Variants in VWF observed in about 807,000 individuals in gnomAD.
The protein encoded by VWF is von Willebrand factor, also known as Factor VIII related antigen.
In VWF, 176 loss-of-function variants were observed where a neutral mutation model predicts 308.6. That is an observed-to-expected ratio of 0.57 (90% CI 0.50 to 0.65). The LOEUF is 0.65. Ranked by LOEUF, VWF falls within the 30% of genes least tolerant of loss-of-function variation. VWF has a pLI of 0.00. For synonymous variants in VWF, 1,385 were observed against 1,443.4 expected (o/e 0.96, Z 0.92); for missense variants, 3,146 against 3,648.2 (o/e 0.86, Z 3.55).
chr12:6,062,893 C>T (rs1944669761), intron 13 of VWF, 61 bp downstream of exon 13: 2 of 1,392,228 alleles, frequency 1.4e-6, no homozygotes, highest in Non-Finnish European at 2.0e-6. Context: ...CTACCCAGAG[C>T]ACAAGGGGTA....
chr12:5,987,677 T>C (rs1943694346), intron 38 of VWF, among the ~76,000 whole-genome samples: 1 of 152,202 alleles, frequency 6.6e-6, no homozygotes, highest in African/African-American at 2.4e-5. Context: ...GAGAAAACTA[T>C]CAAAACAGAC....
intron 3 of VWF, among the ~76,000 whole-genome samples, chr12:6,118,937 A>G (rs2136532926): frequency 6.6e-6 from 1 of 152,252 alleles, no homozygotes; most frequent in East Asian, 1.9e-4. Context: ...TGGGACCCTC[A>G]CGGTCAGTGT....
rs216902 is a variant in VWF at position 5,996,221 on chromosome 12, G to A, written c.5844C>T (p.Cys1948=). The A allele has an allele frequency of 0.4, 641,609 of 1,607,762 alleles. 133,660 individuals are homozygous for A. The highest frequency in any genetic ancestry group is 0.78 in the East Asian group (34,849 of 44,756). ...ETCGCRWTCP[C]VCTGSSTRHI... Reference sequence around the variant, plus strand: ...GCCGAGTGGAGCTGCCTGTGCACACGCCTGGACAGAGAGAAGCAGAGGATG... The same window carrying A: ...GCCGAGTGGAGCTGCCTGTGCACACACCTGGACAGAGAGAAGCAGAGGATG... The change falls in exon 35 of 52, where the codon TGC becomes TGT. Residue 1948 remains cysteine, a splice_region_variant and synonymous_variant. Coordinates refer to ENST00000261405, the MANE Select transcript of VWF (RefSeq NM_000552.5).
rs1254960710 is a variant in VWF, at chr12:6,044,300, G to C, written c.2433C>G (p.Pro811=). 1.2e-6 allele frequency: 2 copies of C among 1,614,100 alleles called. No individual in the cohort carries two copies. Among genetic ancestry groups the C allele is most frequent in the Non-Finnish European group, 8.5e-7 (1 of 1,179,996 alleles). The change falls in exon 18 of 52, where the codon CCC becomes CCG. Residue 811 remains proline (P), a synonymous_variant. Transcript: ENST00000261405. ...GTGCCTGGTGACTCACCATGCCCGG[G>C]GGGCAGAGGCAGCCAGAGACACAGC... ...SMGCVSGCLC[P]PGMVRHENRC...
chr12:5,969,085 G>A, intron 45 of VWF, 126 bp downstream of exon 45: 2 of 1,063,284 alleles, frequency 1.9e-6, no homozygotes, highest in South Asian at 1.4e-5. Context: ...AGGAGCAGAT[G>A]GGAAGATTTC....
At chr12:6,032,364 GCA>G (rs1381135994) in intron 20 of VWF, among the ~76,000 whole-genome samples, 23 of 150,258 alleles carry the variant, frequency 1.5e-4, no homozygotes, top group African/African-American at 4.6e-4. Context: ...AAGAGGCCGG[GCA>G]TGGTGGCCCA....
chr12:6,066,052 T>C (rs1377680027), intron 10 of VWF, among the ~76,000 whole-genome samples: 1 of 152,140 alleles, frequency 6.6e-6, no homozygotes, highest in Admixed American at 6.5e-5. Flanking sequence ...GGCTGACACA[T>C]CTGTGGGTGG....
At chr12:6,099,741 T>C (rs1945141043) in intron 5 of VWF, among the ~76,000 whole-genome samples, 1 of 151,746 alleles carries the variant, frequency 6.6e-6, no homozygotes, top group Non-Finnish European at 1.5e-5. Flanking sequence ...AAAAATTAAT[T>C]CAAGATGGAT....
chr12:5,983,468 G>A (rs959951241), intron 40 of VWF, among the ~76,000 whole-genome samples: 1 of 23,520 alleles, frequency 4.3e-5, no homozygotes, highest in Non-Finnish European at 1.3e-4. Context: ...AGATTTGATA[G>A]ATAGATAGAT....
At chr12:6,004,737 T>TTA (rs1943908859) in intron 34 of VWF, among the ~76,000 whole-genome samples, 1 of 150,918 alleles carries the variant, frequency 6.6e-6, no homozygotes, top group Admixed American at 6.6e-5. Flanking sequence ...TATATAGATG[T>TTA]TATATATATT....
At position 6,060,750 on chromosome 12, in the gene VWF, T is replaced by C. The variant is rs1344403789; in HGVS notation, c.1533+2204A>G. On this transcript the variant is annotated intron_variant, in intron 13 of 51. Coordinates refer to ENST00000261405, the MANE Select transcript of VWF (RefSeq NM_000552.5). The surrounding 1 kb of genome is among the most constrained non-coding windows in gnomAD (Gnocchi z 5.1). ...CTACATCCCCTCCCACAGAAAGAAG[T>C]TGGCTTCTCTTCTCCTCAGGGGAGA... 2.0e-5 allele frequency among the ~76,000 whole-genome samples: 3 copies of C among 151,714 alleles called. No homozygotes were observed. Among genetic ancestry groups the C allele is most frequent in the Non-Finnish European group, 4.4e-5 (3 of 67,920 alleles).
chr12:6,111,998 G>T (rs1401952402), intron 3 of VWF, among the ~76,000 whole-genome samples: 1 of 152,028 alleles, frequency 6.6e-6, no homozygotes, highest in Non-Finnish European at 1.5e-5. Context: ...AAATAAAATG[G>T]TATCTTAGGA....
At chr12:5,996,553 A>G (rs566042456) in intron 34 of VWF, among the ~76,000 whole-genome samples, 1 of 152,288 alleles carries the variant, frequency 6.6e-6, no homozygotes, top group East Asian at 1.9e-4. Context: ...CCCAGAAAAC[A>G]AAGTTAAGTT....
At chr12:5,999,347 G>A (rs216801) in intron 34 of VWF, among the ~76,000 whole-genome samples, 59,068 of 151,778 alleles carry the variant, frequency 0.39, 12,169 homozygotes, top group East Asian at 0.75. Flanking sequence ...GGAGCAAAAA[G>A]AAATGGAAAG....
chr12:6,094,324 C>T (rs926543243), intron 6 of VWF, among the ~76,000 whole-genome samples: 10 of 152,140 alleles, frequency 6.6e-5, no homozygotes, highest in Admixed American at 6.5e-4. Context: ...ACTCAGACTC[C>T]CTTCAGTGTC....
intron 5 of VWF, among the ~76,000 whole-genome samples, chr12:6,098,978 G>T (rs1945133207): frequency 6.6e-6 from 1 of 151,548 alleles, no homozygotes; most frequent in South Asian, 2.1e-4. Context: ...ACCCTTAAAG[G>T]ATGACAACAC....
chr12:5,992,084 A>C, intron 37 of VWF, 66 bp from the exon 38 acceptor site: 1 of 1,473,784 alleles, frequency 6.8e-7, no homozygotes, highest in East Asian at 2.3e-5. Context: ...GGCACAGCTG[A>C]TTCAACATGG....
intron 10 of VWF, among the ~76,000 whole-genome samples, chr12:6,070,687 G>A (rs2136468759): frequency 6.6e-6 from 1 of 152,358 alleles, no homozygotes; most frequent in South Asian, 2.1e-4. Flanking sequence ...TGGGGCAGAA[G>A]GGAGCTTTGA....
Position 6,056,872 on chromosome 12 carries a change from C to A in VWF, c.1930G>T (p.Glu644Ter), listed in dbSNP as rs61748460. The change falls in exon 15 of 52, where the codon GAG (glutamate) becomes TAG (stop). Residue 644 changes from glutamate (E) to a stop codon, truncating the protein, a stop_gained. Transcript: ENST00000261405. LOFTEE classifies it high-confidence loss of function. Reference protein sequence around the residue: ...AGRGVRVAWREPGRCELNCPK... With the variant: ...AGRGVRVAWR ...GGGCACGCACCACAGCGGCCTGGCT[C>A]GCGCCACGCGACGCGCACGCCTCTC... is the stretch of plus-strand genomic sequence containing the variant. 2.7e-6 allele frequency: 4 copies of A among 1,470,094 alleles called. No individual in the cohort carries two copies. The highest frequency in any genetic ancestry group is 2.7e-6 in the Non-Finnish European group (3 of 1,120,230). 91.1% of individuals were successfully genotyped at this position (1,470,094 alleles called of 1,614,324 possible).
Sources: allele counts gnomAD v4.1 joint callset (sites outside exome capture counted in the v4.1 genomes callset), GRCh38; gene constraint gnomAD v4.1.1; non-coding constraint Gnocchi (gnomAD v3.1); transcripts MANE v1.5; gene names NCBI Gene and HGNC (gene_info 2026-07-23, HGNC 2026-07-21).